The following NPLOC4 variants were observed in gnomAD, a reference collection of about 807,000 sequenced individuals.
NPLOC4 encodes NPL4 homolog, ubiquitin recognition factor.
In NPLOC4, 18 loss-of-function variants were observed where a neutral mutation model predicts 80.6. That is an observed-to-expected ratio of 0.22 (90% CI 0.15 to 0.33). NPLOC4 has a LOEUF of 0.33. NPLOC4 is among the 10% of genes least tolerant of loss of function. NPLOC4 has a pLI of 1.00. For synonymous variants in NPLOC4, 313 were observed against 301.5 expected (o/e 1.04, Z -0.39); for missense variants, 540 against 786.1 (o/e 0.69, Z 3.74).
intron 12 of NPLOC4, among the ~76,000 whole-genome samples, chr17:81,584,216 C>T (rs1203045592): frequency 1.3e-5 from 2 of 152,204 alleles, no homozygotes; most frequent in Non-Finnish European, 2.9e-5. Context: ...TTTGCTCCAA[C>T]TGATATTTTC....
At chr17:81,559,883 C>G (rs2033795676) in intron 16 of NPLOC4, among the ~76,000 whole-genome samples, 1 of 151,802 alleles carries the variant, frequency 6.6e-6, no homozygotes, top group Non-Finnish European at 1.5e-5. Flanking sequence ...CAGGCATGAA[C>G]CACAATGCCT....
At chr17:81,589,199 A>C (rs2034666571) in intron 11 of NPLOC4, 95 bp from the exon 12 acceptor site, 1 of 1,143,746 alleles carries the variant, frequency 8.7e-7, no homozygotes, top group Admixed American at 2.8e-5. Context: ...CAGAAAAAAC[A>C]AACCCTCAAG....
rs2033673474 is a variant in NPLOC4, at chr17:81,557,378, A to C, written c.*1881T>G. 1 of 152,512 alleles carries C rather than the reference A, an allele frequency of 6.6e-6. No homozygotes were observed. Among genetic ancestry groups the C allele is most frequent in the African/African-American group, 2.4e-5 (1 of 41,472 alleles). The allele number at this position is 152,512 out of a possible 1,614,324, so 9.4% of individuals were successfully genotyped here. A position where few individuals can be genotyped will look rare whatever the true frequency, so the allele number is the denominator to read the frequency against. Reference sequence around the variant, plus strand: ...AATGCTTTTCCTTTAGCTAAAAGACAAAAGAAAACATGAATGATGTGAATG... The same window carrying C: ...AATGCTTTTCCTTTAGCTAAAAGACCAAAGAAAACATGAATGATGTGAATG... On this transcript the variant is annotated 3_prime_UTR_variant, in exon 17 of 17. Transcript: ENST00000331134.
chr17:81,614,771 A>T (rs1050948468), intron 3 of NPLOC4, among the ~76,000 whole-genome samples: 2 of 152,168 alleles, frequency 1.3e-5, no homozygotes, highest in African/African-American at 2.4e-5. Flanking sequence ...AGTCCACAGA[A>T]GCCGCCTGGG....
At chr17:81,595,971 A>G (rs1251167224) in intron 11 of NPLOC4, 145 bp downstream of exon 11, 5 of 792,084 alleles carry the variant, frequency 6.3e-6, no homozygotes, top group Non-Finnish European at 9.7e-6. Flanking sequence ...AATTTTTACC[A>G]TAAAAAGAAA....
chr17:81,581,818 C>G (rs1255775157), intron 12 of NPLOC4, among the ~76,000 whole-genome samples: 1 of 152,090 alleles, frequency 6.6e-6, no homozygotes, highest in African/African-American at 2.4e-5. Context: ...GGGTCGTAGC[C>G]TGCCACATCC....
rs780878214 is a variant in NPLOC4 at position 81,616,333 on chromosome 17, A to AAAAAAAGAAAC, written c.210-2840_210-2839insGTTTCTTTTTT. Among the ~76,000 whole-genome samples the AAAAAAAGAAAC allele has an allele frequency of 2.6e-4, 30 of 115,632 alleles. 4 individuals carry two copies. Among genetic ancestry groups the AAAAAAAGAAAC allele is most frequent in the Admixed American group, 8.0e-4 (8 of 9,974 alleles). 75.9% of individuals were successfully genotyped at this position (115,632 alleles called of 152,430 possible). On this transcript the variant is annotated intron_variant, in intron 3 of 16. Transcript: ENST00000331134. ...AAGACTCTGTCTCAAAAAAAAAAAA[A>AAAAAAAGAAAC]AAAAAGAAAAGCAAAGCTGCTAAAT... is the stretch of plus-strand genomic sequence containing the variant.
chr17:81,575,097 C>T (rs552133067), intron 12 of NPLOC4, among the ~76,000 whole-genome samples: 25 of 152,236 alleles, frequency 1.6e-4, no homozygotes, highest in Non-Finnish European at 2.9e-4. Context: ...TTCAGACACT[C>T]GGTTACTTTT....
chr17:81,600,434 G>A lies in NPLOC4; in HGVS notation c.835-7C>T, dbSNP rs559269370. ...AGCTGTTCTGTGTACCAATCTGCAG[G>A]GAATCAAAGGGAGAAGATGGACTTA... On this transcript the variant is annotated splice_region_variant and splice_polypyrimidine_tract_variant and intron_variant, in intron 8 of 16. Coordinates refer to ENST00000331134, the MANE Select transcript of NPLOC4 (RefSeq NM_017921.4). 1 of 1,606,874 alleles carries A rather than the reference G, an allele frequency of 6.2e-7. No individual in the cohort carries two copies. The highest frequency in any genetic ancestry group is 8.5e-7 in the Non-Finnish European group (1 of 1,175,634).
intron 11 of NPLOC4, among the ~76,000 whole-genome samples, chr17:81,591,870 G>A (rs570752541): frequency 1.5e-3 from 221 of 152,310 alleles, no homozygotes; most frequent in Middle Eastern, 3.4e-3. Context: ...TTTTTAACCA[G>A]ATCCCCAGCA....
At chr17:81,606,913 C>A in intron 6 of NPLOC4, 99 bp from the exon 7 acceptor site, 1 of 1,122,908 alleles carries the variant, frequency 8.9e-7, no homozygotes, top group African/African-American at 1.5e-5. Flanking sequence ...TGAACAGTGT[C>A]TCAGGAGCTA....
intron 13 of NPLOC4, among the ~76,000 whole-genome samples, chr17:81,570,361 T>C (rs1403826619): frequency 1.3e-5 from 2 of 152,254 alleles, no homozygotes; most frequent in Non-Finnish European, 2.9e-5. Flanking sequence ...CAGTGCTGGG[T>C]CCCAGCTGAA....
intron 1 of NPLOC4, among the ~76,000 whole-genome samples, chr17:81,632,025 T>G (rs1421388286): frequency 6.6e-6 from 1 of 151,812 alleles, no homozygotes; most frequent in Non-Finnish European, 1.5e-5. Context: ...AGTGGCGCAA[T>G]CTCGGCTCAC....
intron 1 of NPLOC4, among the ~76,000 whole-genome samples, chr17:81,636,131 G>A (rs949737405): frequency 2.6e-5 from 4 of 151,942 alleles, no homozygotes; most frequent in South Asian, 2.1e-4. Context: ...CATGACGCCC[G>A]GCTAATTTTT....
intron 2 of NPLOC4, among the ~76,000 whole-genome samples, chr17:81,625,675 G>C (rs1222902344): frequency 6.6e-6 from 1 of 152,058 alleles, no homozygotes; most frequent in African/African-American, 2.4e-5. Flanking sequence ...AGGCTACAAT[G>C]AGATATGATC....
At chr17:81,581,271 C>T (rs533759820) in intron 12 of NPLOC4, among the ~76,000 whole-genome samples, 1 of 143,978 alleles carries the variant, frequency 6.9e-6, no homozygotes, top group Admixed American at 7.3e-5. Context: ...ATTGCTTGAA[C>T]CTGGGAGGCG....
chr17:81,573,915 G>A (rs1255947045), intron 12 of NPLOC4, among the ~76,000 whole-genome samples: 2 of 152,234 alleles, frequency 1.3e-5, no homozygotes, highest in East Asian at 1.9e-4. Flanking sequence ...GGTGAGGGTC[G>A]TGTGTCCTCC....
rs372612146 is a variant in NPLOC4, at chr17:81,565,459, C to T, written c.1669+46G>A. The T allele has an allele frequency of 5.7e-5, 84 of 1,477,716 alleles. 2 individuals are homozygous for T. The South Asian group carries it at 9.4e-4, about 17-fold the overall frequency. 91.5% of individuals were successfully genotyped at this position (1,477,716 alleles called of 1,614,324 possible). A position where few individuals can be genotyped will look rare whatever the true frequency, so the allele number is the denominator to read the frequency against. On this transcript the variant is annotated intron_variant, in intron 16 of 16. Transcript: ENST00000331134. ...GGAGCTGTGCAGAGTGGGCTGCTCTCCGGCCCCAGCCACGGGGTGCCGGGG... is the reference window on the plus strand; with the variant it reads ...GGAGCTGTGCAGAGTGGGCTGCTCTTCGGCCCCAGCCACGGGGTGCCGGGG...
chr17:81,600,555 A>G (rs1385526138), intron 8 of NPLOC4, 128 bp from the exon 9 acceptor site: 3 of 677,724 alleles, frequency 4.4e-6, no homozygotes, highest in African/African-American at 3.6e-5. Flanking sequence ...AAGGAGAACT[A>G]TAGCCACAGA....
Sources: gnomAD v4.1 joint callset for allele counts (sites outside exome capture counted in the v4.1 genomes callset) on GRCh38, gnomAD v4.1.1 for gene constraint, MANE v1.5 for transcripts, NCBI Gene and HGNC (gene_info 2026-07-23, HGNC 2026-07-21) for gene names.